TTC7B: variants seen among roughly 807,000 people sequenced by gnomAD.
TTC7B encodes tetratricopeptide repeat protein 7B.
Under a neutral mutation model 106.8 loss-of-function variants are expected in TTC7B, and 28 were observed. The ratio of observed to expected loss-of-function variants is 0.26; its 90% CI spans 0.19 to 0.36. The LOEUF (loss-of-function observed/expected upper bound fraction) is 0.36, where lower values mean the gene tolerates loss of function less well. Ranked by LOEUF, TTC7B falls within the 10% of genes least tolerant of loss-of-function variation. The pLI is 1.00. For missense variants in TTC7B, 862 were observed against 1,076.4 expected, an observed-to-expected ratio of 0.80 and a Z score of 2.79; for synonymous variants, 405 against 430.6, an observed-to-expected ratio of 0.94 and a Z score of 0.74.
chr14:90,564,356 G>A (rs763556383), intron 19 of TTC7B, among the ~76,000 whole-genome samples: 1 of 152,120 alleles, frequency 6.6e-6, no homozygotes, highest in Admixed American at 6.5e-5. Flanking sequence ...CTTTAAACAG[G>A]TGTGCCATCA....
chr14:90,541,701 C>T lies in TTC7B; in HGVS notation c.2311-112G>A, dbSNP rs576277569. ...TTCCTCGGAGCCGGGAATATATCGC[C>T]ATTGGGCTGGGCCCATAGTAAGTTC... On this transcript the variant is annotated intron_variant, in intron 19 of 19. Transcript: ENST00000328459. 86 of 831,796 alleles carry T rather than the reference C, an allele frequency of 1.0e-4. 1 individual carries two copies. Among genetic ancestry groups the T allele is most frequent in the Middle Eastern group, 4.8e-4 (2 of 4,182 alleles). The allele number at this position is 831,796 out of a possible 1,614,324, so 51.5% of individuals were successfully genotyped here.
chr14:90,728,958 CT>C (rs1419952092), intron 5 of TTC7B, among the ~76,000 whole-genome samples: 1 of 152,230 alleles, frequency 6.6e-6, no homozygotes, highest in Non-Finnish European at 1.5e-5. Context: ...TTCATCTTAG[CT>C]TAGGGGACGT....
In TTC7B at chr14:90,663,588, C is replaced by A. The variant is rs1212460217; in HGVS notation, c.1153-5201G>T. 6.6e-6 allele frequency among the ~76,000 whole-genome samples: 1 copy of A among 152,180 alleles called. No individual in the cohort carries two copies. Among genetic ancestry groups the A allele is most frequent in the Non-Finnish European group, 1.5e-5 (1 of 68,038 alleles). ...CACGGCAGCCAGTGGTGCCACGTCT[C>A]CAGCCCATCGCAAAGTTCTCAATCG... is the stretch of plus-strand genomic sequence containing the variant. On this transcript the variant is annotated intron_variant, in intron 9 of 19. Coordinates refer to ENST00000328459, the MANE Select transcript of TTC7B (RefSeq NM_001010854.2). The surrounding 1 kb of genome is among the most constrained non-coding windows in gnomAD (Gnocchi z 4.5).
At chr14:90,650,203 T>C (rs922603514) in intron 13 of TTC7B, among the ~76,000 whole-genome samples, 9 of 152,246 alleles carry the variant, frequency 5.9e-5, no homozygotes, top group Non-Finnish European at 1.2e-4. Flanking sequence ...TATCGACTAT[T>C]ACGCTTCTTG....
chr14:90,564,900 G>C (rs1358460568), intron 19 of TTC7B, among the ~76,000 whole-genome samples: 1 of 152,164 alleles, frequency 6.6e-6, no homozygotes, highest in Non-Finnish European at 1.5e-5. Flanking sequence ...GGCAGAGTGA[G>C]ACCTCAAAAA....
In TTC7B at chr14:90,557,173, C is replaced by T. The variant is rs746615204; in HGVS notation, c.2311-15584G>A. Among the ~76,000 whole-genome samples, 129 of 152,332 alleles carry T rather than the reference C, an allele frequency of 8.5e-4. 2 individuals carry two copies. The highest frequency in any genetic ancestry group is 2.4e-4 in the Non-Finnish European group (16 of 68,014). Reference sequence around the variant, plus strand: ...TCCTCAGGTGGGGTGGGGCGGGGCTCATCCCTTTGCGAGGGCCTCACTGTA... The same window carrying T: ...TCCTCAGGTGGGGTGGGGCGGGGCTTATCCCTTTGCGAGGGCCTCACTGTA... On this transcript the variant is annotated intron_variant, in intron 19 of 19. Coordinates refer to ENST00000328459, the MANE Select transcript of TTC7B (RefSeq NM_001010854.2).
intron 15 of TTC7B, among the ~76,000 whole-genome samples, chr14:90,626,270 T>C (rs907224321): frequency 2.0e-5 from 3 of 152,242 alleles, no homozygotes; most frequent in Non-Finnish European, 4.4e-5. Flanking sequence ...GAAGACATTT[T>C]TCAGGATGTA....
intron 15 of TTC7B, among the ~76,000 whole-genome samples, chr14:90,640,286 A>AAT (rs57325471): frequency 1.6e-5 from 2 of 127,886 alleles, no homozygotes; most frequent in Non-Finnish European, 3.8e-5. Flanking sequence ...CAAAAAAAAA[A>AAT]GAGAGAGAGA....
chr14:90,685,511 T>C lies in TTC7B; in HGVS notation c.950+4029A>G, dbSNP rs1887220787. Among the ~76,000 whole-genome samples, 5 of 152,230 alleles carry C rather than the reference T, an allele frequency of 3.3e-5. No homozygotes were observed. In the South Asian group the frequency reaches 1.0e-3, roughly 32 times the overall value. On this transcript the variant is annotated intron_variant, in intron 7 of 19. Transcript: ENST00000328459. ...GGCATAGGATTCATGTGGAAATCGATGAAACAGAGAACAGAATCACAACAG... is the reference window on the plus strand; with the variant it reads ...GGCATAGGATTCATGTGGAAATCGACGAAACAGAGAACAGAATCACAACAG...
chr14:90,653,590 T>C (rs1036491021), intron 12 of TTC7B, among the ~76,000 whole-genome samples: 1 of 152,152 alleles, frequency 6.6e-6, no homozygotes, highest in Non-Finnish European at 1.5e-5. Context: ...AAAAGGTACT[T>C]TTTACTAGGG....
chr14:90,812,863 G>T (rs1281135673), intron 1 of TTC7B, among the ~76,000 whole-genome samples: 1 of 152,226 alleles, frequency 6.6e-6, no homozygotes, highest in Non-Finnish European at 1.5e-5. Context: ...AAAGGAGCCA[G>T]GCTGGGGCAG....
chr14:90,644,289 G>T lies in TTC7B; in HGVS notation c.1591-81C>A, dbSNP rs553231947. ...CACACACACACACACACGCGCGAAA[G>T]AAGCCATCTTTTCAATGTCTGCTTC... On this transcript the variant is annotated intron_variant, in intron 14 of 19. Transcript: ENST00000328459. The T allele has an allele frequency of 4.1e-6, 5 of 1,212,060 alleles. No homozygotes were observed. In the East Asian group the frequency reaches 1.3e-4, roughly 32 times the overall value. The allele number at this position is 1,212,060 out of a possible 1,614,324, so 75.1% of individuals were successfully genotyped here. A position where few individuals can be genotyped will look rare whatever the true frequency, so the allele number is the denominator to read the frequency against.
rs892375758 is a variant in TTC7B, at chr14:90,539,999, A to C, written c.*1369T>G. 1 of 152,292 alleles carries C rather than the reference A, an allele frequency of 6.6e-6. No individual in the cohort carries two copies. Among genetic ancestry groups the C allele is most frequent in the Non-Finnish European group, 1.5e-5 (1 of 68,092 alleles). 9.4% of individuals were successfully genotyped at this position (152,292 alleles called of 1,614,324 possible). A position where few individuals can be genotyped will look rare whatever the true frequency, so the allele number is the denominator to read the frequency against. On this transcript the variant is annotated 3_prime_UTR_variant, in exon 20 of 20. Transcript: ENST00000328459. The stretch of plus-strand genomic sequence containing the variant: ...GGCTGCTTGGGCAGGACTGAATTGC[A>C]TGCTCCAATTCCAAAGCCCCATCGG...
rs1431366720 is a variant in TTC7B, at chr14:90,531,121, T to C, written c.*10247A>G. Reference sequence around the variant, plus strand: ...TTGTTATGAGATTAAAATATATTGTTATAACTTAAAAAAGAAAGAAAAAAT... The same window carrying C: ...TTGTTATGAGATTAAAATATATTGTCATAACTTAAAAAAGAAAGAAAAAAT... On this transcript the variant is annotated 3_prime_UTR_variant, in exon 20 of 20. Coordinates refer to ENST00000328459, the MANE Select transcript of TTC7B (RefSeq NM_001010854.2). The C allele has an allele frequency of 3.3e-5, 5 of 152,206 alleles. No individual in the cohort carries two copies. Among genetic ancestry groups the C allele is most frequent in the Non-Finnish European group, 7.3e-5 (5 of 68,042 alleles). The allele number at this position is 152,206 out of a possible 1,614,324, so 9.4% of individuals were successfully genotyped here. A position where few individuals can be genotyped will look rare whatever the true frequency, so the allele number is the denominator to read the frequency against.
rs184208050 is a variant in TTC7B at position 90,668,690 on chromosome 14, C to G, written c.1152+7833G>C. Among the ~76,000 whole-genome samples, 388 of 152,184 alleles carry G rather than the reference C, an allele frequency of 2.5e-3. 3 individuals are homozygous for G. Among genetic ancestry groups the G allele is most frequent in the Non-Finnish European group, 3.6e-3 (247 of 68,020 alleles). ...GTTCAGCGAGGTAATGGAATCTGTT[C>G]AAGTTCATATTCAGCATGTAAAGTA... On this transcript the variant is annotated intron_variant, in intron 9 of 19. Coordinates refer to ENST00000328459, the MANE Select transcript of TTC7B (RefSeq NM_001010854.2).
At chr14:90,616,629 C>T (rs563989593) in intron 16 of TTC7B, among the ~76,000 whole-genome samples, 10 of 152,278 alleles carry the variant, frequency 6.6e-5, no homozygotes, top group East Asian at 1.9e-4. Context: ...CCTGGGGTCA[C>T]GGGTCTGTCT....
chr14:90,729,499 T>C (rs1278514934), intron 5 of TTC7B, among the ~76,000 whole-genome samples: 1 of 152,224 alleles, frequency 6.6e-6, no homozygotes. Flanking sequence ...TGAAGAGATT[T>C]GGAACAGAAT....
intron 9 of TTC7B, chr14:90,676,319 A>G (rs1886836701): frequency 4.5e-6 from 2 of 449,382 alleles, no homozygotes; most frequent in Non-Finnish European, 7.8e-6. Flanking sequence ...TCTCATGGTA[A>G]AAGACTAGAT....
chr14:90,727,629 T>G (rs571117793), intron 5 of TTC7B, among the ~76,000 whole-genome samples: 1 of 152,302 alleles, frequency 6.6e-6, no homozygotes, highest in East Asian at 1.9e-4. Flanking sequence ...ATGGGAGAGT[T>G]CTAGAAGAAT....
Sources: allele counts gnomAD v4.1 joint callset (sites outside exome capture counted in the v4.1 genomes callset), GRCh38; gene constraint gnomAD v4.1.1; non-coding constraint Gnocchi (gnomAD v3.1); transcripts MANE v1.5; gene names NCBI Gene and HGNC (gene_info 2026-07-23, HGNC 2026-07-21).